Variants in GNG7 observed in about 807,000 individuals in gnomAD.
GNG7 encodes G protein subunit gamma 7.
A neutral mutation model predicts 4.0 loss-of-function variants in GNG7; 1 was observed. The observed-to-expected ratio is 0.25, with a 90% CI of 0.09 to 1.18. The LOEUF is 1.18. GNG7 is among the 50% of genes most tolerant of loss of function. GNG7 has a pLI of 0.50. For missense variants in GNG7, 86 were observed against 91.9 expected (o/e 0.94, Z 0.26); for synonymous variants, 34 against 36.9 (o/e 0.92, Z 0.29).
chr19:2,652,958 C>G (rs1280559017), intron 1 of GNG7, among the ~76,000 whole-genome samples: 1 of 151,922 alleles, frequency 6.6e-6, no homozygotes, highest in Non-Finnish European at 1.5e-5. Flanking sequence ...AAGACCCTAT[C>G]TCTACAAAAA....
At chr19:2,522,500 C>T (rs906723515) in intron 3 of GNG7, among the ~76,000 whole-genome samples, 4 of 151,924 alleles carry the variant, frequency 2.6e-5, no homozygotes, top group African/African-American at 9.7e-5. Context: ...ACTGGCCGGG[C>T]GCGGTGGCTC....
intron 2 of GNG7, among the ~76,000 whole-genome samples, chr19:2,572,343 G>A (rs1294774843): frequency 6.6e-6 from 1 of 152,072 alleles, no homozygotes; most frequent in Non-Finnish European, 1.5e-5. Flanking sequence ...TTGTAGAGAC[G>A]GGTTTCGCTA....
chr19:2,551,969 G>A (rs1300287553), intron 3 of GNG7, among the ~76,000 whole-genome samples: 1 of 152,160 alleles, frequency 6.6e-6, no homozygotes, highest in East Asian at 1.9e-4. Context: ...ACAGGCGTGA[G>A]CCACGGCGCC....
chr19:2,690,158 G>A lies in GNG7; in HGVS notation c.-135+12488C>T, dbSNP rs180972962. On this transcript the variant is annotated intron_variant, in intron 1 of 4. Transcript: ENST00000382159. ...GCACTTTGGGAGGCCGAAGCGAAAG[G>A]ATCACTTGAGGTCAGGAGTTCGAGA... is the stretch of plus-strand genomic sequence containing the variant. Among the ~76,000 whole-genome samples the A allele has an allele frequency of 2.0e-3, 300 of 152,190 alleles. 1 individual carries two copies. The highest frequency in any genetic ancestry group is 6.8e-3 in the African/African-American group (283 of 41,528).
chr19:2,523,950 G>A (rs1978324469), intron 3 of GNG7, among the ~76,000 whole-genome samples: 1 of 152,184 alleles, frequency 6.6e-6, no homozygotes, highest in East Asian at 1.9e-4. Flanking sequence ...CCCACGTGTG[G>A]CCGCTCAGAG....
At chr19:2,528,702 G>A (rs569655490) in intron 3 of GNG7, among the ~76,000 whole-genome samples, 26 of 152,252 alleles carry the variant, frequency 1.7e-4, no homozygotes, top group Middle Eastern at 3.4e-3. Context: ...CCAGAAATCT[G>A]CCCTTGCTCT....
chr19:2,520,105 C>T (rs531983616), intron 4 of GNG7, among the ~76,000 whole-genome samples: 14 of 152,270 alleles, frequency 9.2e-5, no homozygotes, highest in East Asian at 7.7e-4. Flanking sequence ...TGCTTGAACC[C>T]GGGAGGCAGA....
intron 2 of GNG7, among the ~76,000 whole-genome samples, chr19:2,586,447 G>C (rs1448799856): frequency 3.3e-5 from 5 of 152,220 alleles, no homozygotes; most frequent in African/African-American, 4.8e-5. Context: ...GTCTGGCTTG[G>C]GGGGCTGGGA....
At chr19:2,645,385 C>T (rs1350703645) in intron 2 of GNG7, among the ~76,000 whole-genome samples, 1 of 151,784 alleles carries the variant, frequency 6.6e-6, no homozygotes, top group African/African-American at 2.4e-5. Flanking sequence ...ACTCTAGGCA[C>T]CTGCCACCAC....
chr19:2,640,030 A>G (rs946130015), intron 2 of GNG7, among the ~76,000 whole-genome samples: 5 of 50,708 alleles, frequency 9.9e-5, no homozygotes, highest in Non-Finnish European at 1.5e-4. Flanking sequence ...GGGAGGGAGG[A>G]AGGGAGGGAA....
intron 2 of GNG7, among the ~76,000 whole-genome samples, chr19:2,616,028 G>C (rs1045630643): frequency 6.6e-6 from 1 of 152,200 alleles, no homozygotes; most frequent in African/African-American, 2.4e-5. Context: ...GGTGCCAGCA[G>C]GGAACAGGGC....
In GNG7 at chr19:2,514,919, T is replaced by C; in HGVS notation, c.*103A>G. On this transcript the variant is annotated 3_prime_UTR_variant, in exon 5 of 5. Transcript: ENST00000382159. ...AAGGTTTTGGGGACTTGAGATGTTT[T>C]GTTTGAGCTAATTACTGAATGATGC... 1 of 946,496 alleles carries C rather than the reference T, an allele frequency of 1.1e-6. No homozygotes were observed. The highest frequency in any genetic ancestry group is 1.6e-6 in the Non-Finnish European group (1 of 621,328). The allele number at this position is 946,496 out of a possible 1,614,324, so 58.6% of individuals were successfully genotyped here.
chr19:2,660,717 G>A (rs1295158879), intron 1 of GNG7, among the ~76,000 whole-genome samples: 1 of 152,162 alleles, frequency 6.6e-6, no homozygotes, highest in Non-Finnish European at 1.5e-5. Context: ...CTGGAGCCCA[G>A]GAGTTCAAGA....
chr19:2,524,123 G>A (rs1175928582), intron 3 of GNG7, among the ~76,000 whole-genome samples: 1 of 152,210 alleles, frequency 6.6e-6, no homozygotes, highest in Non-Finnish European at 1.5e-5. Flanking sequence ...GGAAGGCCAG[G>A]GGGTCCTATT....
chr19:2,683,124 A>G (rs572272982), intron 1 of GNG7, among the ~76,000 whole-genome samples: 1 of 152,138 alleles, frequency 6.6e-6, no homozygotes, highest in African/African-American at 2.4e-5. Context: ...CTGTAATCCC[A>G]GCTACTCGGG....
chr19:2,661,270 A>AAAGAAAAGAAAGAAAGAAAGAAAGAAAGG, intron 1 of GNG7, among the ~76,000 whole-genome samples: 1 of 70,916 alleles, frequency 1.4e-5, no homozygotes, highest in African/African-American at 6.5e-5. Flanking sequence ...AGAAAGAAAG[A>AAAGAAAAGAAAGAAAGAAAGAAAGAAAGG]AAAGAAAGAA....
At chr19:2,630,017 G>A (rs1260434050) in intron 2 of GNG7, among the ~76,000 whole-genome samples, 2 of 149,640 alleles carry the variant, frequency 1.3e-5, no homozygotes, top group Non-Finnish European at 2.9e-5. Context: ...TCAAAATAAA[G>A]GTTGTTTTTT....
intron 1 of GNG7, among the ~76,000 whole-genome samples, chr19:2,661,580 G>A (rs1405614443): frequency 1.3e-5 from 2 of 148,758 alleles, no homozygotes; most frequent in Non-Finnish European, 3.0e-5. Flanking sequence ...GGCTGAGGCA[G>A]AAGAATTGCA....
intron 1 of GNG7, among the ~76,000 whole-genome samples, chr19:2,681,408 C>T (rs1983732792): frequency 6.6e-6 from 1 of 152,148 alleles, no homozygotes; most frequent in African/African-American, 2.4e-5. Context: ...TGGCTTCGAT[C>T]TCCTGACCTC....
Sources: gnomAD v4.1 joint callset for allele counts (sites outside exome capture counted in the v4.1 genomes callset) on GRCh38, gnomAD v4.1.1 for gene constraint, MANE v1.5 for transcripts, NCBI Gene and HGNC (gene_info 2026-07-23, HGNC 2026-07-21) for gene names.